The following VWA5B2 variants were observed in gnomAD, a reference collection of about 807,000 sequenced individuals.
VWA5B2 encodes the protein von Willebrand factor A domain-containing protein 5B2.
VWA5B2 carries 93 observed loss-of-function variants against 118.5 expected under a neutral mutation model. That is an observed-to-expected ratio of 0.79 (90% confidence interval 0.66 to 0.93). VWA5B2 has a LOEUF of 0.93. VWA5B2 is among the 40% of genes least tolerant of loss of function. VWA5B2 has a pLI of 0.00. For synonymous variants in VWA5B2, 708 were observed against 716.3 expected (o/e 0.99, Z 0.19); for missense variants, 1,546 against 1,672.8 (o/e 0.92, Z 1.32).
intron 5 of VWA5B2, 151 bp from the exon 6 acceptor site, chr3:184,234,115 A>G (rs2108421242): frequency 9.5e-7 from 1 of 1,051,244 alleles, no homozygotes; most frequent in South Asian, 1.6e-5. Flanking sequence ...TTCCCAGCCC[A>G]TGAAAGCAGG....
chr3:184,232,270 C>A (rs1329098889), intron 3 of VWA5B2, among the ~76,000 whole-genome samples: 1 of 152,078 alleles, frequency 6.6e-6, no homozygotes, highest in East Asian at 1.9e-4. Flanking sequence ...TTATTATGAT[C>A]CCCACTTTAT....
In VWA5B2 at chr3:184,230,496, G is replaced by C; in HGVS notation, c.-33G>C. ...CCGTCACCCTGCGCCCAGCTTCCCC[G>C]GCCCGTTCCCGCAGGGCCGGCCTCC... On this transcript the variant is annotated 5_prime_UTR_variant, in exon 2 of 20. Transcript: ENST00000691901. 1 of 1,426,456 alleles carries C rather than the reference G, an allele frequency of 7.0e-7. No homozygotes were observed. The highest frequency in any genetic ancestry group is 9.1e-7 in the Non-Finnish European group (1 of 1,100,490). The allele number at this position is 1,426,456 out of a possible 1,614,324, so 88.4% of individuals were successfully genotyped here.
chr3:184,241,218 G>C lies in VWA5B2; in HGVS notation c.2994G>C (p.Trp998Cys), dbSNP rs1276831437. The C allele has an allele frequency of 1.3e-6, 2 of 1,550,592 alleles. No homozygotes were observed. The highest frequency in any genetic ancestry group is 2.7e-5 in the African/African-American group (2 of 73,026). Residue 998 changes from tryptophan to cysteine, a missense_variant, in exon 19 of 20, where the codon TGG becomes TGC. Trp to Cys is a radical substitution (Grantham distance 215). Around this residue, in one of 3 missense-constraint regions of VWA5B2, gnomAD observed 763 missense variants for 766.6 expected, o/e 1.00. Transcript: ENST00000691901. The surrounding 1 kb of genome is among the most constrained non-coding windows in gnomAD (Gnocchi z 5.1). The stretch of plus-strand genomic sequence containing the variant: ...AGAGAGGCTCTCCAGCAGGCGCCTG[G>C]GACTCGGACCAAAATGGCAACTCCA... ...GLQRGSPAGA[W>C]DSDQNGNSKR...
At chr3:184,236,288 G>A (rs765087298) in intron 9 of VWA5B2, 26 bp downstream of exon 9, 2 of 1,551,632 alleles carry the variant, frequency 1.3e-6, no homozygotes, top group South Asian at 2.4e-5. Flanking sequence ...GGATCTGGGG[G>A]CCTTACAGAG....
At chr3:184,240,177 T>A (rs1236247410) in intron 16 of VWA5B2, 141 bp downstream of exon 16, 2 of 674,258 alleles carry the variant, frequency 3.0e-6, no homozygotes, top group Non-Finnish European at 4.7e-6. Flanking sequence ...GATAAAAAAT[T>A]AAGCGGGACA....
At chr3:184,230,090 GC>G (rs1717215637) in intron 1 of VWA5B2, among the ~76,000 whole-genome samples, 1 of 152,062 alleles carries the variant, frequency 6.6e-6, no homozygotes, top group African/African-American at 2.4e-5. Context: ...TTAAACCTCC[GC>G]CTTCCCGGAG....
chr3:184,234,621 C>G lies in VWA5B2; in HGVS notation c.821-10C>G. On this transcript the variant is annotated splice_polypyrimidine_tract_variant and intron_variant, in intron 6 of 19. Coordinates refer to ENST00000691901, the MANE Select transcript of VWA5B2 (RefSeq NM_001390846.1). Reference sequence around the variant, plus strand: ...GCCTTCCTTGACAGAATTGTGTCCTCTCCTCTCAGAGCCCCATCAGCCACA... The same window carrying G: ...GCCTTCCTTGACAGAATTGTGTCCTGTCCTCTCAGAGCCCCATCAGCCACA... 6.4e-7 allele frequency: 1 copy of G among 1,550,894 alleles called. No individual in the cohort carries two copies. Among genetic ancestry groups the G allele is most frequent in the Non-Finnish European group, 8.7e-7 (1 of 1,146,790 alleles).
chr3:184,230,284 C>G, intron 1 of VWA5B2, 96 bp from the exon 2 acceptor site: 1 of 436,216 alleles, frequency 2.3e-6, no homozygotes, highest in Non-Finnish European at 4.0e-6. Flanking sequence ...AATCATTAAC[C>G]CTCCGCGGCC....
At position 184,230,686 on chromosome 3, in the gene VWA5B2, G is replaced by A; in HGVS notation, c.139+19G>A. The stretch of plus-strand genomic sequence containing the variant: ...GTGGACGGTGAGGCCCGGGTGGGGC[G>A]CGGGCGCGGCGGGGGGTGCGCCGGG... On this transcript the variant is annotated intron_variant, in intron 2 of 19. Transcript: ENST00000691901. The A allele has an allele frequency of 8.1e-7, 1 of 1,233,560 alleles. No homozygotes were observed. The highest frequency in any genetic ancestry group is 1.0e-6 in the Non-Finnish European group (1 of 989,966). The allele number at this position is 1,233,560 out of a possible 1,614,324, so 76.4% of individuals were successfully genotyped here. A position where few individuals can be genotyped will look rare whatever the true frequency, so the allele number is the denominator to read the frequency against.
chr3:184,239,627 C>A lies in VWA5B2; in HGVS notation c.2392+44C>A, dbSNP rs991212951. The A allele has an allele frequency of 1.4e-6, 2 of 1,477,198 alleles. No individual in the cohort carries two copies. The highest frequency in any genetic ancestry group is 1.4e-5 in the African/African-American group (1 of 71,030). The allele number at this position is 1,477,198 out of a possible 1,614,324, so 91.5% of individuals were successfully genotyped here. ...GCTGGTTTCCCTGACACCAAAGAGG[C>A]CTTGGGGAGGTAAAGCCCAGAGGAC... On this transcript the variant is annotated intron_variant, in intron 15 of 19. Coordinates refer to ENST00000691901, the MANE Select transcript of VWA5B2 (RefSeq NM_001390846.1). This position sits in a 1 kb window ranked among gnomAD's most constrained non-coding sequence, Gnocchi z 5.1.
Position 184,241,957 on chromosome 3 carries a change from C to A in VWA5B2, c.3648C>A (p.Ala1216=). The A allele has an allele frequency of 6.5e-7, 1 of 1,550,016 alleles. No individual in the cohort carries two copies. Reference sequence around the variant, plus strand: ...ACCTGGCCGCCCTCAAGGCCGCAGCCCGAGGGCTCTTCCTGCTACTGCGCC... The same window carrying A: ...ACCTGGCCGCCCTCAAGGCCGCAGCACGAGGGCTCTTCCTGCTACTGCGCC... ...GLDLAALKAA[A]RGLFLLLRHW... The change falls in exon 20 of 20, where the codon GCC becomes GCA. Residue 1216 remains alanine, a synonymous_variant. Coordinates refer to ENST00000691901, the MANE Select transcript of VWA5B2 (RefSeq NM_001390846.1). The surrounding 1 kb of genome is among the most constrained non-coding windows in gnomAD (Gnocchi z 5.1).
At position 184,236,355 on chromosome 3, in the gene VWA5B2, C is replaced by T; in HGVS notation, c.1225C>T (p.Leu409=). ...SRPCSDDAVQ[L]ICESIETLQV... is the part of the protein sequence containing the mutation. ...CTTCTCGCTCCAGGATGCTGTGCAG[C>T]TGATCTGCGAGAGCATTGAGACCCT... The change falls in exon 10 of 20, where the codon CTG becomes TTG. Residue 409 remains leucine, a synonymous_variant. Coordinates refer to ENST00000691901, the MANE Select transcript of VWA5B2 (RefSeq NM_001390846.1). The T allele has an allele frequency of 6.5e-7, 1 of 1,547,256 alleles. No individual in the cohort carries two copies. Among genetic ancestry groups the T allele is most frequent in the East Asian group, 2.5e-5 (1 of 40,778 alleles).
rs955896786 is a variant in VWA5B2, at chr3:184,238,897, C to T, written c.2202+24C>T. The T allele has an allele frequency of 1.4e-5, 20 of 1,458,398 alleles. No individual in the cohort carries two copies. The highest frequency in any genetic ancestry group is 1.8e-4 in the Middle Eastern group (1 of 5,588). 90.3% of individuals were successfully genotyped at this position (1,458,398 alleles called of 1,614,324 possible). A position where few individuals can be genotyped will look rare whatever the true frequency, so the allele number is the denominator to read the frequency against. On this transcript the variant is annotated intron_variant, in intron 14 of 19. Transcript: ENST00000691901. This position sits in a 1 kb window ranked among gnomAD's most constrained non-coding sequence, Gnocchi z 5.0. ...AGGTGAGATCCAACCCACATTCATT[C>T]GCCTTGTATCCAGCAAATATTTATT...
Position 184,242,184 on chromosome 3 carries a change from GC to G in VWA5B2, c.*151del, listed in dbSNP as rs1446928713. On this transcript the variant is annotated 3_prime_UTR_variant, in exon 20 of 20. Coordinates refer to ENST00000691901, the MANE Select transcript of VWA5B2 (RefSeq NM_001390846.1). Reference sequence around the variant, plus strand: ...CTTACTCCCTCCCTAGAGCCCTCTTGCCCCCACAAAAAGTGCCTGCCTGTGC... The same window carrying G: ...CTTACTCCCTCCCTAGAGCCCTCTTGCCCCACAAAAAGTGCCTGCCTGTGC... 38 of 1,093,368 alleles carry G rather than the reference GC, an allele frequency of 3.5e-5. No homozygotes were observed. Among genetic ancestry groups the G allele is most frequent in the Non-Finnish European group, 4.3e-5 (33 of 772,198 alleles). 67.7% of individuals were successfully genotyped at this position (1,093,368 alleles called of 1,614,324 possible).
chr3:184,233,772 C>T lies in VWA5B2; in HGVS notation c.688+39C>T. 2 of 1,544,744 alleles carry T rather than the reference C, an allele frequency of 1.3e-6. No homozygotes were observed. Among genetic ancestry groups the T allele is most frequent in the Non-Finnish European group, 8.7e-7 (1 of 1,144,568 alleles). ...GCTGGCCTGCCCTCTTTTCAGATGC[C>T]CACTCCACCCAGTGTAGTGACTGGA... On this transcript the variant is annotated intron_variant, in intron 5 of 19. Coordinates refer to ENST00000691901, the MANE Select transcript of VWA5B2 (RefSeq NM_001390846.1). This position sits in a 1 kb window ranked among gnomAD's most constrained non-coding sequence, Gnocchi z 5.2.
rs1718263169 is a variant in VWA5B2 at position 184,238,761 on chromosome 3, G to A, written c.2090G>A (p.Gly697Asp). 1.3e-6 allele frequency: 2 copies of A among 1,550,672 alleles called. No homozygotes were observed. The highest frequency in any genetic ancestry group is 1.2e-5 in the South Asian group (1 of 84,056). ...TCACAGGGCCCTGGCTCCCCCGAAG[G>A]TAGTGCTCCCTTGGAGCCCCCTTCT... ...PGSQGPGSPEGSAPLEPPSQQ... is the reference protein window; with the variant it reads ...PGSQGPGSPEDSAPLEPPSQQ... The change falls in exon 14 of 20, where the codon GGT (glycine) becomes GAT (aspartate). Residue 697 changes from glycine to aspartate, a missense_variant. Coordinates refer to ENST00000691901, the MANE Select transcript of VWA5B2 (RefSeq NM_001390846.1). This position sits in a 1 kb window ranked among gnomAD's most constrained non-coding sequence, Gnocchi z 5.0.
Position 184,238,149 on chromosome 3 carries a change from A to C in VWA5B2, c.1720-154A>C, listed in dbSNP as rs1718195247. Among the ~76,000 whole-genome samples, 1 of 151,972 alleles carries C rather than the reference A, an allele frequency of 6.6e-6. No homozygotes were observed. Among genetic ancestry groups the C allele is most frequent in the Admixed American group, 6.5e-5 (1 of 15,280 alleles). On this transcript the variant is annotated intron_variant, in intron 12 of 19. Coordinates refer to ENST00000691901, the MANE Select transcript of VWA5B2 (RefSeq NM_001390846.1). The surrounding 1 kb of genome is among the most constrained non-coding windows in gnomAD (Gnocchi z 5.0). The stretch of plus-strand genomic sequence containing the variant: ...CTTCCCAGCAGCTCTATTAACCCTT[A>C]CAGTGAACATGTCTGCTTCCTCCTT...
In VWA5B2 at chr3:184,241,255, G is replaced by A. The variant is rs1460728232; in HGVS notation, c.3031G>A (p.Gly1011Arg). The change falls in exon 19 of 20, where the codon GGG becomes AGG. Residue 1011 changes from glycine to arginine, a missense_variant. Gly to Arg is a moderately radical substitution (Grantham distance 125). Transcript: ENST00000691901. This position sits in a 1 kb window ranked among gnomAD's most constrained non-coding sequence, Gnocchi z 5.1. ...AAATGGCAACTCCAAGCGTGCTTTG[G>A]GGGACCCTGCCACTCCCACGGAAGG... is the stretch of plus-strand genomic sequence containing the variant. ...DQNGNSKRAL[G>R]DPATPTEGPR... 1.3e-6 allele frequency: 2 copies of A among 1,551,270 alleles called. No homozygotes were observed. The highest frequency in any genetic ancestry group is 1.7e-6 in the Non-Finnish European group (2 of 1,146,954).
In VWA5B2 at chr3:184,239,597, G is replaced by A. The variant is rs1718351281; in HGVS notation, c.2392+14G>A. 6 of 1,499,346 alleles carry A rather than the reference G, an allele frequency of 4.0e-6. No individual in the cohort carries two copies. Among genetic ancestry groups the A allele is most frequent in the Admixed American group, 2.2e-5 (1 of 46,150 alleles). 92.9% of individuals were successfully genotyped at this position (1,499,346 alleles called of 1,614,324 possible). ...TGGATGACTCAGGTAAGTGTTGGAT[G>A]GGGAGCTGGTTTCCCTGACACCAAA... On this transcript the variant is annotated intron_variant, in intron 15 of 19. Coordinates refer to ENST00000691901, the MANE Select transcript of VWA5B2 (RefSeq NM_001390846.1). This position sits in a 1 kb window ranked among gnomAD's most constrained non-coding sequence, Gnocchi z 5.1.
Sources: allele counts gnomAD v4.1 joint callset (sites outside exome capture counted in the v4.1 genomes callset), GRCh38; gene constraint gnomAD v4.1.1; regional missense constraint gnomAD v4.1.1; non-coding constraint Gnocchi (gnomAD v3.1); transcripts MANE v1.5; gene names NCBI Gene and HGNC (gene_info 2026-07-23, HGNC 2026-07-21).